Variants in EDARADD observed in about 807,000 individuals in gnomAD.
EDARADD encodes the protein EDAR associated via death domain.
In EDARADD, 20 loss-of-function variants were observed where a neutral mutation model predicts 25.6. The observed-to-expected ratio is 0.78, with a 90% CI of 0.55 to 1.14. EDARADD has a LOEUF of 1.14. EDARADD is among the 50% of genes most tolerant of loss of function. EDARADD has a pLI of 0.00. For missense variants in EDARADD, 225 were observed against 270.1 expected, an observed-to-expected ratio of 0.83 and a Z score of 1.17; for synonymous variants, 86 against 94.4, an observed-to-expected ratio of 0.91 and a Z score of 0.52.
At chr1:236,369,126 G>A (rs1667145485) in intron 3 of EDARADD, among the ~76,000 whole-genome samples, 1 of 152,106 alleles carries the variant, frequency 6.6e-6, no homozygotes, top group Non-Finnish European at 1.5e-5. Context: ...CTTGAAGCAA[G>A]GTATTGTCAA....
At chr1:236,413,727 G>T (rs193171735) in intron 2 of EDARADD, among the ~76,000 whole-genome samples, 138 of 152,308 alleles carry the variant, frequency 9.1e-4, no homozygotes, top group Non-Finnish European at 1.7e-3. Context: ...ACTCTCAACT[G>T]ATGCATTGAG....
chr1:236,443,277 G>A (rs1302282788), intron 4 of EDARADD, among the ~76,000 whole-genome samples: 2 of 152,132 alleles, frequency 1.3e-5, no homozygotes, highest in Non-Finnish European at 2.9e-5. Context: ...AGCACCCCAT[G>A]GACCAAGAAA....
At chr1:236,384,444 G>A (rs1667331443) in intron 3 of EDARADD, among the ~76,000 whole-genome samples, 1 of 152,168 alleles carries the variant, frequency 6.6e-6, no homozygotes, top group South Asian at 2.1e-4. Context: ...GCTCTGGAGT[G>A]CAGTAGTGCA....
rs148424968 is a variant in EDARADD, at chr1:236,472,052, G to T, written c.265+3776G>T. ...TACAATTGTTTTAAATGACATTAAT[G>T]AGCATGCTTGATTCCTGAACTCTTC... is the stretch of plus-strand genomic sequence containing the variant. On this transcript the variant is annotated intron_variant, in intron 5 of 5. Coordinates refer to ENST00000334232, the MANE Select transcript of EDARADD (RefSeq NM_145861.4). 3.3e-5 allele frequency among the ~76,000 whole-genome samples: 5 copies of T among 152,116 alleles called. No individual in the cohort carries two copies. In the East Asian group the frequency reaches 9.7e-4, roughly 29 times the overall value.
chr1:236,361,783 A>G (rs928401417), intron 3 of EDARADD, among the ~76,000 whole-genome samples: 7 of 151,214 alleles, frequency 4.6e-5, no homozygotes, highest in African/African-American at 2.4e-5. Context: ...TTGTGTGGCT[A>G]TACCACAATT....
At chr1:236,354,622 A>G (rs998465587) in intron 3 of EDARADD, among the ~76,000 whole-genome samples, 17 of 152,228 alleles carry the variant, frequency 1.1e-4, no homozygotes, top group African/African-American at 3.6e-4. Flanking sequence ...AGGAATTATC[A>G]GGCAAATTGT....
intron 4 of EDARADD, among the ~76,000 whole-genome samples, chr1:236,453,576 G>A (rs1442464527): frequency 5.3e-5 from 8 of 151,996 alleles, no homozygotes; most frequent in Non-Finnish European, 1.0e-4. Flanking sequence ...ATGCCTGGCC[G>A]AGATTCTAAT....
intron 3 of EDARADD, among the ~76,000 whole-genome samples, chr1:236,354,907 C>A (rs1343841316): frequency 6.6e-6 from 1 of 152,264 alleles, no homozygotes; most frequent in African/African-American, 2.4e-5. Flanking sequence ...ATGCATTTGG[C>A]TCCCCTCATA....
At position 236,464,036 on chromosome 1, in the gene EDARADD, A is replaced by T. The variant is rs1329287860; in HGVS notation, c.220-4195A>T. Among the ~76,000 whole-genome samples, 3 of 152,112 alleles carry T rather than the reference A, an allele frequency of 2.0e-5. No individual in the cohort carries two copies. In the East Asian group the frequency reaches 5.8e-4, roughly 29 times the overall value. On this transcript the variant is annotated intron_variant, in intron 4 of 5. Transcript: ENST00000334232. ...ATGTCTAAGCTGAGGCCCTACAGAT[A>T]AGAGAAAGTAAGCAGATGAAAGGGC... is the stretch of plus-strand genomic sequence containing the variant.
intron 3 of EDARADD, among the ~76,000 whole-genome samples, chr1:236,366,668 A>G (rs1667114721): frequency 6.6e-6 from 1 of 151,924 alleles, no homozygotes; most frequent in Non-Finnish European, 1.5e-5. Context: ...ATTTGGCCTC[A>G]GTTCTTCTTT....
upstream of EDARADD, among the ~76,000 whole-genome samples, chr1:236,393,064 T>A (rs72753317): frequency 0.011 from 1,604 of 152,308 alleles, 12 homozygotes; most frequent in Non-Finnish European, 0.016. Context: ...AAATTGCATG[T>A]GTGAGCCACC....
intron 4 of EDARADD, among the ~76,000 whole-genome samples, chr1:236,443,805 A>G (rs1658463674): frequency 6.6e-6 from 1 of 152,216 alleles, no homozygotes; most frequent in Admixed American, 6.5e-5. Flanking sequence ...TACATAAATA[A>G]TGCACGAAGC....
At chr1:236,476,526 A>AC (rs1659511552) in intron 5 of EDARADD, among the ~76,000 whole-genome samples, 2 of 147,194 alleles carry the variant, frequency 1.4e-5, no homozygotes, top group Non-Finnish European at 3.0e-5. Flanking sequence ...GTCCCTACAG[A>AC]TTTTTTTTTT....
In EDARADD at chr1:236,483,546, G is replaced by T. The variant is rs935168488; in HGVS notation, c.*897G>T. On this transcript the variant is annotated 3_prime_UTR_variant, in exon 6 of 6. Coordinates refer to ENST00000334232, the MANE Select transcript of EDARADD (RefSeq NM_145861.4). The stretch of plus-strand genomic sequence containing the variant: ...CAAAGCTAGTGCTGTTGAGAAGGGG[G>T]TTCCCCTGTACCACCACATCGCCGA... 8.6e-7 allele frequency: 1 copy of T among 1,162,266 alleles called. No homozygotes were observed. The allele number at this position is 1,162,266 out of a possible 1,614,324, so 72.0% of individuals were successfully genotyped here.
chr1:236,397,715 C>A (rs995189429), intron 1 of EDARADD, among the ~76,000 whole-genome samples: 1 of 152,170 alleles, frequency 6.6e-6, no homozygotes, highest in African/African-American at 2.4e-5. Context: ...AGGGTGAGAG[C>A]TCCCCACCAG....
intron 1 of EDARADD, among the ~76,000 whole-genome samples, chr1:236,399,454 T>C (rs1667577657): frequency 6.6e-6 from 1 of 152,216 alleles, no homozygotes; most frequent in Non-Finnish European, 1.5e-5. Context: ...CCCAAAGTGC[T>C]GGGATTACAG....
intron 3 of EDARADD, among the ~76,000 whole-genome samples, chr1:236,378,442 T>C (rs1310799320): frequency 3.9e-5 from 6 of 152,196 alleles, no homozygotes; most frequent in African/African-American, 1.2e-4. Flanking sequence ...CCAGAGCTGG[T>C]TCCTGGGGAG....
rs1387635257 is a variant in EDARADD at position 236,398,962 on chromosome 1, C to T, written c.61+4457C>T. Among the ~76,000 whole-genome samples the T allele has an allele frequency of 6.6e-6, 1 of 152,118 alleles. No individual in the cohort carries two copies. Among genetic ancestry groups the T allele is most frequent in the Non-Finnish European group, 1.5e-5 (1 of 68,038 alleles). ...AGTAAGCCCTGGGCAAATACCACCT[C>T]AGTGAATGAAGGAAGGTTATAAAAT... is the stretch of plus-strand genomic sequence containing the variant. On this transcript the variant is annotated intron_variant, in intron 1 of 5. Coordinates refer to ENST00000334232, the MANE Select transcript of EDARADD (RefSeq NM_145861.4). The surrounding 1 kb of genome is among the most constrained non-coding windows in gnomAD (Gnocchi z 4.1).
At chr1:236,427,336 T>C (rs1347017569) in intron 3 of EDARADD, 56 bp from the exon 4 acceptor site, 17 of 1,557,680 alleles carry the variant, frequency 1.1e-5, no homozygotes, top group Non-Finnish European at 8.8e-7. Context: ...CCACGGAGTG[T>C]GTGCTTTTTA....
Sources: gnomAD v4.1 joint callset for allele counts (sites outside exome capture counted in the v4.1 genomes callset) on GRCh38, gnomAD v4.1.1 for gene constraint, Gnocchi (gnomAD v3.1) non-coding constraint, MANE v1.5 for transcripts, NCBI Gene and HGNC (gene_info 2026-07-23, HGNC 2026-07-21) for gene names.